Variants in PHF5A observed in about 807,000 individuals in gnomAD.
The protein encoded by PHF5A is PHD finger protein 5A, also known as PHD finger-like domain-containing protein 5A.
For synonymous variants in PHF5A, 52 were observed against 46.0 expected (o/e 1.13, Z -0.52); for missense variants, 24 against 140.6 (o/e 0.17, Z 4.19).
At chr22:41,468,240 T>A in intron 1 of PHF5A, 93 bp from the exon 2 acceptor site, 1 of 1,277,376 alleles carries the variant, frequency 7.8e-7, no homozygotes, top group Non-Finnish European at 1.1e-6. Flanking sequence ...GGGACATGAG[T>A]AAGGACTGCA....
intron 1 of PHF5A, 100 bp downstream of exon 1, chr22:41,468,502 G>T: frequency 7.5e-7 from 1 of 1,338,702 alleles, no homozygotes; most frequent in Non-Finnish European, 1.1e-6. Context: ...GAAACGTGGC[G>T]CCTGCGAGGC....
At chr22:41,467,998 G>A in intron 2 of PHF5A, 126 bp downstream of exon 2, 2 of 976,944 alleles carry the variant, frequency 2.0e-6, no homozygotes, top group Admixed American at 4.4e-5. Flanking sequence ...TGGCTAAAGT[G>A]CAGCATTCAG....
intron 1 of PHF5A, 122 bp from the exon 2 acceptor site, chr22:41,468,269 T>C: frequency 2.3e-6 from 2 of 865,868 alleles, no homozygotes; most frequent in South Asian, 3.1e-5. Flanking sequence ...GACCTGCGGA[T>C]AGCCATTTTA....
intron 3 of PHF5A, 130 bp downstream of exon 3, chr22:41,467,318 A>T: frequency 1.1e-6 from 1 of 909,980 alleles, no homozygotes; most frequent in Non-Finnish European, 1.6e-6. Flanking sequence ...GACTCACAGA[A>T]CTTGAAGAAA....
At chr22:41,464,111 C>G (rs1568994542) in intron 3 of PHF5A, among the ~76,000 whole-genome samples, 1 of 151,940 alleles carries the variant, frequency 6.6e-6, no homozygotes, top group Non-Finnish European at 1.5e-5. Flanking sequence ...TCTGGTTGGG[C>G]GAACTGAGGA....
rs527466510 is a variant in PHF5A, at chr22:41,467,367, T to C, written c.243+81A>G. On this transcript the variant is annotated intron_variant, in intron 3 of 3. Coordinates refer to ENST00000216252, the MANE Select transcript of PHF5A (RefSeq NM_032758.4). Reference sequence around the variant, plus strand: ...GACTAGATGAACACAGTAATCTCCATAGACCATAGGAGATTGCAGTGGATG... The same window carrying C: ...GACTAGATGAACACAGTAATCTCCACAGACCATAGGAGATTGCAGTGGATG... 21 of 1,346,504 alleles carry C rather than the reference T, an allele frequency of 1.6e-5. No homozygotes were observed. The African/African-American group carries it at 1.6e-4, about 10-fold the overall frequency. The allele number at this position is 1,346,504 out of a possible 1,614,324, so 83.4% of individuals were successfully genotyped here. A position where few individuals can be genotyped will look rare whatever the true frequency, so the allele number is the denominator to read the frequency against.
intron 3 of PHF5A, among the ~76,000 whole-genome samples, chr22:41,461,756 G>A (rs1169153290): frequency 5.9e-5 from 9 of 151,992 alleles, no homozygotes; most frequent in African/African-American, 1.4e-4. Flanking sequence ...TCCGCCTTCC[G>A]GGTTCAAGCA....
chr22:41,463,769 C>T (rs2037845130), intron 3 of PHF5A, among the ~76,000 whole-genome samples: 1 of 149,228 alleles, frequency 6.7e-6, no homozygotes, highest in African/African-American at 2.5e-5. Flanking sequence ...TGGCATGTGC[C>T]TGTAATCCCA....
intron 3 of PHF5A, 73 bp from the exon 4 acceptor site, chr22:41,460,560 GC>G: frequency 7.9e-7 from 1 of 1,269,924 alleles, no homozygotes; most frequent in Non-Finnish European, 1.1e-6. Context: ...AAAAATTTAA[GC>G]CCAGTGTGGT....
At chr22:41,461,489 G>A (rs2037827344) in intron 3 of PHF5A, among the ~76,000 whole-genome samples, 1 of 151,286 alleles carries the variant, frequency 6.6e-6, no homozygotes, top group South Asian at 2.1e-4. Context: ...CCGAGTAGCT[G>A]GGACTACAGG....
chr22:41,466,061 T>G (rs964641530), intron 3 of PHF5A, among the ~76,000 whole-genome samples: 1 of 152,226 alleles, frequency 6.6e-6, no homozygotes, highest in Non-Finnish European at 1.5e-5. Flanking sequence ...AAAAGACCTA[T>G]TCTTCGCTCA....
intron 2 of PHF5A, 31 bp from the exon 3 acceptor site, chr22:41,467,645 A>C: frequency 6.2e-7 from 1 of 1,611,934 alleles, no homozygotes; most frequent in Admixed American, 1.7e-5. Context: ...TCATGCTCAC[A>C]AGTTCTTCAG....
Position 41,466,683 on chromosome 22 carries a change from C to G in PHF5A, c.243+765G>C, listed in dbSNP as rs118188202. 9.9e-4 allele frequency among the ~76,000 whole-genome samples: 151 copies of G among 152,194 alleles called. 4 individuals are homozygous for G. The East Asian group carries it at 0.024, about 24-fold the overall frequency. On this transcript the variant is annotated intron_variant, in intron 3 of 3. Transcript: ENST00000216252. ...CGACCACAGGTACACACCAGCACAC[C>G]TGACTAATGAAAAATATGTTTTTTT...
chr22:41,464,786 C>G (rs926824895), intron 3 of PHF5A, among the ~76,000 whole-genome samples: 1 of 152,242 alleles, frequency 6.6e-6, no homozygotes, highest in Non-Finnish European at 1.5e-5. Context: ...CTTTTCTTCA[C>G]TGCTGTTACC....
chr22:41,465,398 G>A (rs1317108016), intron 3 of PHF5A, among the ~76,000 whole-genome samples: 1 of 151,904 alleles, frequency 6.6e-6, no homozygotes, highest in Non-Finnish European at 1.5e-5. Context: ...CCTGACCTCA[G>A]GTGATCCACC....
intron 2 of PHF5A, 39 bp downstream of exon 2, chr22:41,468,085 T>A: frequency 6.2e-7 from 1 of 1,609,178 alleles, no homozygotes; most frequent in Admixed American, 1.7e-5. Flanking sequence ...AAACTGGGAG[T>A]GGGAAGGGTG....
chr22:41,467,707 A>G, intron 2 of PHF5A, 93 bp from the exon 3 acceptor site: 2 of 1,169,130 alleles, frequency 1.7e-6, no homozygotes, highest in Non-Finnish European at 2.4e-6. Context: ...TGGGAAATAC[A>G]CTAGTCTCCT....
At chr22:41,462,737 C>G (rs1302572720) in intron 3 of PHF5A, among the ~76,000 whole-genome samples, 1 of 152,130 alleles carries the variant, frequency 6.6e-6, no homozygotes, top group Non-Finnish European at 1.5e-5. Flanking sequence ...TACTCCTCAG[C>G]TGCAAAAGAA....
intron 3 of PHF5A, among the ~76,000 whole-genome samples, chr22:41,462,653 A>G (rs5758365): frequency 0.81 from 123,728 of 152,154 alleles, 51,347 homozygotes; most frequent in East Asian, 0.95. Context: ...GAAACTCATG[A>G]TATGATGATA....
Sources: gnomAD v4.1 joint callset for allele counts (sites outside exome capture counted in the v4.1 genomes callset) on GRCh38, gnomAD v4.1.1 for gene constraint, MANE v1.5 for transcripts, NCBI Gene and HGNC (gene_info 2026-07-23, HGNC 2026-07-21) for gene names.